Variants in ITPR1 observed in about 807,000 individuals in gnomAD.
The protein encoded by ITPR1 is inositol 1,4,5-trisphosphate receptor type 1, also known as inositol 1,4,5-trisphosphate-gated calcium channel ITPR1.
Under a neutral mutation model 318.4 loss-of-function variants are expected in ITPR1, and 96 were observed. That is an observed-to-expected ratio of 0.30 (90% CI 0.26 to 0.36). The LOEUF is 0.36. ITPR1 is among the 10% of genes least tolerant of loss of function. The pLI is 1.00. For missense variants in ITPR1, 2,440 were observed against 3,460.2 expected, an observed-to-expected ratio of 0.71 and a Z score of 7.40; for synonymous variants, 1,312 against 1,289.9, an observed-to-expected ratio of 1.02 and a Z score of -0.37.
chr3:4,715,006 C>T (rs1467878316), intron 39 of ITPR1, among the ~76,000 whole-genome samples: 1 of 152,224 alleles, frequency 6.6e-6, no homozygotes, highest in East Asian at 1.9e-4. Context: ...CATGTGCTAG[C>T]CACTATACTA....
intron 5 of ITPR1, among the ~76,000 whole-genome samples, chr3:4,634,758 A>G (rs989104135): frequency 6.6e-6 from 1 of 152,062 alleles, no homozygotes; most frequent in Non-Finnish European, 1.5e-5. Context: ...GGAGTGTGCT[A>G]TTCACTTCCC....
At chr3:4,679,082 T>C (rs1423556102) in intron 24 of ITPR1, among the ~76,000 whole-genome samples, 2 of 151,992 alleles carry the variant, frequency 1.3e-5, no homozygotes, top group African/African-American at 2.4e-5. Context: ...GAAACGGCAG[T>C]AGGGGAGAAC....
chr3:4,640,950 C>T (rs1041428332), intron 6 of ITPR1, among the ~76,000 whole-genome samples: 1 of 152,178 alleles, frequency 6.6e-6, no homozygotes, highest in Non-Finnish European at 1.5e-5. Context: ...ACGTTGCCTT[C>T]TCCTTATTTA....
intron 40 of ITPR1, chr3:4,724,541 T>C (rs1291410172): frequency 6.6e-6 from 1 of 152,192 alleles, no homozygotes. Flanking sequence ...GCCTCGGGTT[T>C]GTCTCGTGGC....
chr3:4,528,165 G>A (rs115151408), intron 4 of ITPR1, among the ~76,000 whole-genome samples: 3,362 of 152,218 alleles, frequency 0.022, 53 homozygotes, highest in Non-Finnish European at 0.033. Context: ...AAGTGATTTC[G>A]TCTCTCTTAG....
At chr3:4,803,295 C>A (rs940330423) in intron 54 of ITPR1, among the ~76,000 whole-genome samples, 1 of 152,174 alleles carries the variant, frequency 6.6e-6, no homozygotes, top group Non-Finnish European at 1.5e-5. Context: ...GACACAGAAC[C>A]AAACCATACT....
intron 54 of ITPR1, among the ~76,000 whole-genome samples, chr3:4,802,481 T>A (rs760183550): frequency 4.2e-4 from 64 of 151,970 alleles, no homozygotes; most frequent in Admixed American, 1.0e-3. Flanking sequence ...GAAGCCTGAG[T>A]CTTGGACATA....
intron 15 of ITPR1, among the ~76,000 whole-genome samples, chr3:4,662,615 C>T (rs1277387663): frequency 6.6e-6 from 1 of 152,114 alleles, no homozygotes; most frequent in East Asian, 1.9e-4. Flanking sequence ...CCCAGCTCCT[C>T]AGGAAGCTGA....
chr3:4,670,913 C>T lies in ITPR1; in HGVS notation c.2191C>T (p.Leu731Phe). The stretch of plus-strand genomic sequence containing the variant: ...AGGGCAGAAGGAGGACCGAGACGTT[C>T]TCAGCTACTACAGGTGCGTGGGACA... ...KEGQKEDRDVLSYYRYQLNLF... is the reference protein window; with the variant it reads ...KEGQKEDRDVFSYYRYQLNLF... Residue 731 changes from leucine (L) to phenylalanine (F), a missense_variant, in exon 20 of 62, where the codon CTC (leucine) becomes TTC (phenylalanine). Physicochemically the swap from Leu to Phe is conservative, Grantham distance 22. Around this residue, in one of 23 missense-constraint regions of ITPR1, gnomAD observed 478 missense variants for 696.3 expected, o/e 0.69. Coordinates refer to ENST00000649015, the MANE Select transcript of ITPR1 (RefSeq NM_001378452.1). 1.3e-6 allele frequency: 2 copies of T among 1,588,038 alleles called. No homozygotes were observed. Among genetic ancestry groups the T allele is most frequent in the Non-Finnish European group, 1.7e-6 (2 of 1,165,314 alleles).
At chr3:4,781,716 C>T (rs1368409177) in intron 49 of ITPR1, among the ~76,000 whole-genome samples, 2 of 152,196 alleles carry the variant, frequency 1.3e-5, no homozygotes, top group African/African-American at 4.8e-5. Context: ...GGTGCAGTGG[C>T]TCACACCTGT....
chr3:4,693,444 C>G (rs762000838), intron 32 of ITPR1, 46 bp from the exon 33 acceptor site: 1 of 1,592,846 alleles, frequency 6.3e-7, no homozygotes, highest in Non-Finnish European at 8.6e-7. Flanking sequence ...CATGCTGCCC[C>G]ACCCCTGCAA....
At chr3:4,802,290 T>C (rs920422875) in intron 54 of ITPR1, among the ~76,000 whole-genome samples, 6 of 152,224 alleles carry the variant, frequency 3.9e-5, no homozygotes, top group Non-Finnish European at 8.8e-5. Flanking sequence ...AGAATGTATG[T>C]TGGAAACTCT....
chr3:4,573,253 T>A (rs2088229143), intron 4 of ITPR1, among the ~76,000 whole-genome samples: 1 of 152,176 alleles, frequency 6.6e-6, no homozygotes, highest in Non-Finnish European at 1.5e-5. Flanking sequence ...AACCTTGGAG[T>A]CTTTTTTTGG....
chr3:4,609,085 TATATAC>T lies in ITPR1; in HGVS notation c.164-18676_164-18671del, dbSNP rs1346578773. On this transcript the variant is annotated intron_variant, in intron 4 of 61. Transcript: ENST00000649015. Reference sequence around the variant, plus strand: ...ATATATATATATATATATATATATATATATACACACACACGTATGTCAGTGGTGGTG... The same window carrying T: ...ATATATATATATATATATATATATATACACACACGTATGTCAGTGGTGGTG... Among the ~76,000 whole-genome samples, 148 of 91,350 alleles carry T rather than the reference TATATAC, an allele frequency of 1.6e-3. 1 individual carries two copies. Among genetic ancestry groups the T allele is most frequent in the African/African-American group, 7.3e-3 (141 of 19,328 alleles). 59.9% of individuals were successfully genotyped at this position (91,350 alleles called of 152,430 possible). A position where few individuals can be genotyped will look rare whatever the true frequency, so the allele number is the denominator to read the frequency against.
At chr3:4,835,815 G>T (rs1349812606) in intron 60 of ITPR1, among the ~76,000 whole-genome samples, 2 of 152,164 alleles carry the variant, frequency 1.3e-5, no homozygotes, top group African/African-American at 4.8e-5. Context: ...AGGAGGAGTT[G>T]TCCCATTCTG....
chr3:4,572,596 C>G (rs951080408), intron 4 of ITPR1, among the ~76,000 whole-genome samples: 3 of 152,076 alleles, frequency 2.0e-5, no homozygotes, highest in Non-Finnish European at 2.9e-5. Context: ...GTGGTAAAAA[C>G]AGATAATACA....
At chr3:4,605,940 G>A (rs1285311133) in intron 4 of ITPR1, among the ~76,000 whole-genome samples, 1 of 152,050 alleles carries the variant, frequency 6.6e-6, no homozygotes, top group Non-Finnish European at 1.5e-5. Flanking sequence ...AAGAGAGAAG[G>A]GATCGTGGGG....
intron 61 of ITPR1, among the ~76,000 whole-genome samples, chr3:4,841,669 G>A (rs1302921215): frequency 6.6e-6 from 1 of 152,194 alleles, no homozygotes; most frequent in Non-Finnish European, 1.5e-5. Flanking sequence ...AAAAGGGAGT[G>A]ATTTGTTCAA....
chr3:4,647,500 C>G (rs2125163497), intron 10 of ITPR1, among the ~76,000 whole-genome samples: 1 of 152,262 alleles, frequency 6.6e-6, no homozygotes, highest in East Asian at 1.9e-4. Context: ...ATATATTCAA[C>G]TTTATAAGAA....
Sources: allele counts gnomAD v4.1 joint callset (sites outside exome capture counted in the v4.1 genomes callset), GRCh38; gene constraint gnomAD v4.1.1; regional missense constraint gnomAD v4.1.1; transcripts MANE v1.5; gene names NCBI Gene and HGNC (gene_info 2026-07-23, HGNC 2026-07-21).